Variants in ATP6V1C2 observed in about 807,000 individuals in gnomAD.
The protein encoded by ATP6V1C2 is V-type proton ATPase subunit C 2.
ATP6V1C2 carries 45 observed loss-of-function variants against 56.8 expected under a neutral mutation model. That is an observed-to-expected ratio of 0.79 (90% CI 0.62 to 1.02). The LOEUF is 1.02. ATP6V1C2 is among the 50% of genes least tolerant of loss of function. The pLI, the probability that ATP6V1C2 is intolerant of heterozygous loss-of-function variation, is 0.00. For missense variants in ATP6V1C2, 463 were observed against 519.7 expected, an observed-to-expected ratio of 0.89 and a Z score of 1.06; for synonymous variants, 220 against 201.3, an observed-to-expected ratio of 1.09 and a Z score of -0.79.
chr2:10,734,231 C>G (rs1210532310), intron 3 of ATP6V1C2, among the ~76,000 whole-genome samples: 1 of 152,058 alleles, frequency 6.6e-6, no homozygotes, highest in Admixed American at 6.6e-5. Context: ...CTTCACCCCT[C>G]CTCCTCCCAT....
At chr2:10,726,725 G>A (rs1055679599) in intron 3 of ATP6V1C2, among the ~76,000 whole-genome samples, 156 bp downstream of exon 3, 3 of 152,106 alleles carry the variant, frequency 2.0e-5, no homozygotes, top group Admixed American at 6.6e-5. Context: ...GCGGGTGCTG[G>A]GTCTGCAGGA....
chr2:10,772,285 C>T (rs986039695), intron 7 of ATP6V1C2, among the ~76,000 whole-genome samples: 1 of 152,124 alleles, frequency 6.6e-6, no homozygotes, highest in African/African-American at 2.4e-5. Context: ...CACACGGGGC[C>T]CGGATTAGAT....
At chr2:10,770,311 T>G (rs888136136) in intron 6 of ATP6V1C2, among the ~76,000 whole-genome samples, 9 of 152,042 alleles carry the variant, frequency 5.9e-5, no homozygotes, top group Non-Finnish European at 8.8e-5. Flanking sequence ...GGCAGGAGAA[T>G]CGCTTGAACC....
Position 10,754,039 on chromosome 2 carries a change from G to A in ATP6V1C2, c.256G>A (p.Val86Ile), listed in dbSNP as rs759792032. The A allele has an allele frequency of 7.5e-6, 12 of 1,606,782 alleles. No homozygotes were observed. The highest frequency in any genetic ancestry group is 1.6e-4 in the Middle Eastern group (1 of 6,070). The change falls in exon 4 of 14, where the codon GTC becomes ATC. Residue 86 changes from valine to isoleucine, a missense_variant. Val to Ile is a conservative substitution (Grantham distance 29). Transcript: ENST00000272238. ...VEVMEDSKGK[V>I]QEHLLANGVD... is the part of the protein sequence containing the mutation. The stretch of plus-strand genomic sequence containing the variant: ...AGTCATGGAGGACTCAAAGGGGAAG[G>A]TCCAGGAGCACCTCCTGGCAAACGG...
intron 4 of ATP6V1C2, among the ~76,000 whole-genome samples, chr2:10,761,986 A>G (rs1359563195): frequency 6.6e-6 from 1 of 152,254 alleles, no homozygotes; most frequent in African/African-American, 2.4e-5. Flanking sequence ...TGCATGTGGC[A>G]GGGAGGGGAG....
At chr2:10,757,685 G>A (rs1011784415) in intron 4 of ATP6V1C2, among the ~76,000 whole-genome samples, 5 of 152,128 alleles carry the variant, frequency 3.3e-5, no homozygotes, top group African/African-American at 7.2e-5. Context: ...ACTGCATGCC[G>A]CCTGGAAGCT....
chr2:10,763,555 T>C lies in ATP6V1C2; in HGVS notation c.284-776T>C, dbSNP rs1664046186. Among the ~76,000 whole-genome samples the C allele has an allele frequency of 6.6e-6, 1 of 152,120 alleles. No homozygotes were observed. Among genetic ancestry groups the C allele is most frequent in the South Asian group, 2.1e-4 (1 of 4,832 alleles). ...AGGAAGTGTAGGTGCACAGGGAGCC[T>C]AGGCTGGGACATCCGCCATGGGAAG... On this transcript the variant is annotated intron_variant, in intron 4 of 13. Coordinates refer to ENST00000272238, the MANE Select transcript of ATP6V1C2 (RefSeq NM_001039362.2). The surrounding 1 kb of genome is among the most constrained non-coding windows in gnomAD (Gnocchi z 4.2).
At chr2:10,761,043 G>A (rs1663877316) in intron 4 of ATP6V1C2, among the ~76,000 whole-genome samples, 1 of 152,168 alleles carries the variant, frequency 6.6e-6, no homozygotes, top group Non-Finnish European at 1.5e-5. Flanking sequence ...CTCTGTCCTC[G>A]AGGAGCCTGA....
intron 4 of ATP6V1C2, among the ~76,000 whole-genome samples, chr2:10,760,866 C>G (rs1054349444): frequency 6.6e-6 from 1 of 152,202 alleles, no homozygotes; most frequent in Non-Finnish European, 1.5e-5. Context: ...GAGACAAGAG[C>G]TTGATCTGAA....
intron 4 of ATP6V1C2, among the ~76,000 whole-genome samples, chr2:10,755,703 ACCTCAC>A (rs1438547225): frequency 6.6e-6 from 1 of 151,830 alleles, no homozygotes; most frequent in Non-Finnish European, 1.5e-5. Context: ...CTGCCTCCTC[ACCTCAC>A]CCTCACCGAT....
At chr2:10,733,899 T>C (rs773065863) in intron 3 of ATP6V1C2, among the ~76,000 whole-genome samples, 4 of 123,438 alleles carry the variant, frequency 3.2e-5, no homozygotes, top group Non-Finnish European at 4.9e-5. Flanking sequence ...CATGGTTCCA[T>C]GGAGCTGACT....
chr2:10,734,922 A>T (rs1427750746), intron 3 of ATP6V1C2, among the ~76,000 whole-genome samples: 3 of 152,102 alleles, frequency 2.0e-5, no homozygotes, highest in African/African-American at 7.2e-5. Context: ...CCTCTCTACG[A>T]ATAATACAAA....
chr2:10,724,478 G>T (rs1311367620), intron 2 of ATP6V1C2, among the ~76,000 whole-genome samples: 1 of 152,188 alleles, frequency 6.6e-6, no homozygotes, highest in East Asian at 1.9e-4. Context: ...TGCTTGTCCA[G>T]CAATGGACAC....
chr2:10,767,503 G>C (rs1664301094), intron 5 of ATP6V1C2, among the ~76,000 whole-genome samples: 1 of 151,292 alleles, frequency 6.6e-6, no homozygotes, highest in South Asian at 2.1e-4. Flanking sequence ...TGTCACCCAA[G>C]CTGGAGTACA....
chr2:10,722,784 T>C (rs1382447382), intron 1 of ATP6V1C2, 40 bp from the exon 2 acceptor site: 2 of 1,588,978 alleles, frequency 1.3e-6, no homozygotes, highest in Non-Finnish European at 1.7e-6. Flanking sequence ...CATCTCTCCT[T>C]CTGTTTCTGT....
At chr2:10,738,819 C>G (rs1451061065) in intron 3 of ATP6V1C2, among the ~76,000 whole-genome samples, 1 of 152,184 alleles carries the variant, frequency 6.6e-6, no homozygotes, top group Non-Finnish European at 1.5e-5. Context: ...GGTGCTCAAG[C>G]AGACAGTCTG....
At chr2:10,768,947 C>G (rs980728395) in intron 6 of ATP6V1C2, 137 bp downstream of exon 6, 1 of 693,790 alleles carries the variant, frequency 1.4e-6, no homozygotes, top group Non-Finnish European at 2.5e-6. Flanking sequence ...TGGAGGCACT[C>G]TCACCTCTCC....
At chr2:10,754,123 A>T in intron 4 of ATP6V1C2, 57 bp downstream of exon 4, 3 of 1,469,110 alleles carry the variant, frequency 2.0e-6, no homozygotes, top group Non-Finnish European at 2.8e-6. Flanking sequence ...TCTAGACCAG[A>T]GTCGTCCTTG....
chr2:10,724,674 CTTTT>C (rs61085771), intron 2 of ATP6V1C2, among the ~76,000 whole-genome samples: 7 of 124,590 alleles, frequency 5.6e-5, no homozygotes, highest in African/African-American at 8.7e-5. Context: ...TTCCTAATTA[CTTTT>C]TTTTTTTTTT....
Sources: gnomAD v4.1 joint callset for allele counts (sites outside exome capture counted in the v4.1 genomes callset) on GRCh38, gnomAD v4.1.1 for gene constraint, Gnocchi (gnomAD v3.1) non-coding constraint, MANE v1.5 for transcripts, NCBI Gene and HGNC (gene_info 2026-07-23, HGNC 2026-07-21) for gene names.